Variants in CERK observed in about 807,000 individuals in gnomAD.
The protein encoded by CERK is ceramide kinase.
In CERK, 39 loss-of-function variants were observed where a neutral mutation model predicts 63.4. That is an observed-to-expected ratio of 0.61 (90% confidence interval 0.48 to 0.80). The LOEUF is 0.80. Ranked by LOEUF, CERK falls within the 30% of genes least tolerant of loss-of-function variation. CERK has a pLI of 0.00. For synonymous variants in CERK, 302 were observed against 280.0 expected (o/e 1.08, Z -0.78); for missense variants, 670 against 714.1 (o/e 0.94, Z 0.70).
chr22:46,728,988 T>C (rs1053932150), intron 1 of CERK, among the ~76,000 whole-genome samples: 1 of 152,226 alleles, frequency 6.6e-6, no homozygotes, highest in Admixed American at 6.5e-5. Flanking sequence ...CCTCGGAGGC[T>C]GGACAGCCAG....
chr22:46,709,649 T>C (rs2082830895), intron 5 of CERK, among the ~76,000 whole-genome samples: 2 of 152,160 alleles, frequency 1.3e-5, no homozygotes, highest in South Asian at 4.1e-4. Context: ...TCCGCTGCAA[T>C]TTATAACACA....
chr22:46,700,448 G>A (rs897728424), intron 7 of CERK, among the ~76,000 whole-genome samples: 5 of 152,266 alleles, frequency 3.3e-5, no homozygotes, highest in East Asian at 3.9e-4. Flanking sequence ...GAAGTAGGCC[G>A]GGCACAGTGG....
At chr22:46,713,526 A>C (rs2542016) in intron 3 of CERK, among the ~76,000 whole-genome samples, 1,681 of 147,962 alleles carry the variant, frequency 0.011, 37 homozygotes, top group African/African-American at 0.033. Flanking sequence ...AAAAAAAAAA[A>C]AAACAAACAA....
chr22:46,686,240 GT>G lies in CERK; in HGVS notation c.*893del, dbSNP rs1188396151. 12 of 152,218 alleles carry G rather than the reference GT, an allele frequency of 7.9e-5. No homozygotes were observed. Among genetic ancestry groups the G allele is most frequent in the African/African-American group, 2.7e-4 (11 of 41,438 alleles). 9.4% of individuals were successfully genotyped at this position (152,218 alleles called of 1,614,324 possible). A position where few individuals can be genotyped will look rare whatever the true frequency, so the allele number is the denominator to read the frequency against. ...AAAGACAAGGACAAATCTGGACCACGTGTACAGACTTCAGGCCCTGCCTCAG... is the reference window on the plus strand; with the variant it reads ...AAAGACAAGGACAAATCTGGACCACGGTACAGACTTCAGGCCCTGCCTCAG... On this transcript the variant is annotated 3_prime_UTR_variant, in exon 13 of 13. Coordinates refer to ENST00000216264, the MANE Select transcript of CERK (RefSeq NM_022766.6).
chr22:46,687,425 C>T (rs183877898), intron 12 of CERK, among the ~76,000 whole-genome samples: 31 of 152,298 alleles, frequency 2.0e-4, no homozygotes, highest in African/African-American at 7.5e-4. Context: ...CAATGACGGG[C>T]CCTGGGCGTG....
At chr22:46,688,096 G>A (rs2082712549) in intron 12 of CERK, among the ~76,000 whole-genome samples, 2 of 152,136 alleles carry the variant, frequency 1.3e-5, no homozygotes, top group South Asian at 4.1e-4. Flanking sequence ...GCTGAGGCAG[G>A]AGAATTGCTT....
rs537958420 is a variant in CERK at position 46,723,567 on chromosome 22, C to T, written c.143-2552G>A. On this transcript the variant is annotated intron_variant, in intron 1 of 12. Coordinates refer to ENST00000216264, the MANE Select transcript of CERK (RefSeq NM_022766.6). ...CCGGGAGGCGGAGGTTGCCGTGAGC[C>T]GAGATCACACCAGTGCACTCCAGCC... Among the ~76,000 whole-genome samples, 17 of 151,476 alleles carry T rather than the reference C, an allele frequency of 1.1e-4. No homozygotes were observed. In the South Asian group the frequency reaches 2.7e-3, roughly 24 times the overall value.
In CERK at chr22:46,684,486, CA is replaced by C. The variant is rs1435521325; in HGVS notation, c.*2647del. On this transcript the variant is annotated 3_prime_UTR_variant, in exon 13 of 13. Transcript: ENST00000216264. Reference sequence around the variant, plus strand: ...TGCCATTTTCTAATCTTGAAACCAGCAAGATTAGAAAGAGAATGAGGCCATC... The same window carrying C: ...TGCCATTTTCTAATCTTGAAACCAGCAGATTAGAAAGAGAATGAGGCCATC... The C allele has an allele frequency of 6.6e-6, 1 of 152,184 alleles. No homozygotes were observed. Among genetic ancestry groups the C allele is most frequent in the Non-Finnish European group, 1.5e-5 (1 of 68,046 alleles). 9.4% of individuals were successfully genotyped at this position (152,184 alleles called of 1,614,324 possible).
chr22:46,721,319 G>A (rs1367709232), intron 1 of CERK, among the ~76,000 whole-genome samples: 1 of 151,914 alleles, frequency 6.6e-6, no homozygotes, highest in Non-Finnish European at 1.5e-5. Context: ...TTGAGACAGA[G>A]TCTCACGCTG....
At position 46,690,187 on chromosome 22, in the gene CERK, A is replaced by G; in HGVS notation, c.1346T>C (p.Phe449Ser). ...TTTCTTGACGCGATAAACTTCAACA[A>G]AAGTGAAGTCAAACTACCAAGAAAC... Reference protein sequence around the residue: ...TNQQDQFDFTFVEVYRVKKFQ... With the variant: ...TNQQDQFDFTSVEVYRVKKFQ... The change falls in exon 12 of 13, where the codon TTT becomes TCT. Residue 449 changes from phenylalanine to serine, a missense_variant. Phe to Ser is a radical substitution (Grantham distance 155, BLOSUM62 -2). Coordinates refer to ENST00000216264, the MANE Select transcript of CERK (RefSeq NM_022766.6). The G allele has an allele frequency of 3.1e-6, 5 of 1,613,770 alleles. No homozygotes were observed. The highest frequency in any genetic ancestry group is 4.2e-6 in the Non-Finnish European group (5 of 1,179,926).
At chr22:46,715,859 A>G (rs781682286) in intron 3 of CERK, among the ~76,000 whole-genome samples, 28 of 152,222 alleles carry the variant, frequency 1.8e-4, no homozygotes, top group Non-Finnish European at 3.8e-4. Context: ...GATATCTTCA[A>G]TAGGACACAA....
intron 3 of CERK, among the ~76,000 whole-genome samples, chr22:46,718,691 G>A (rs1284655608): frequency 6.6e-6 from 1 of 152,210 alleles, no homozygotes; most frequent in Non-Finnish European, 1.5e-5. Flanking sequence ...CTTTCTTGAT[G>A]TAGGTGCCAA....
At chr22:46,693,700 CCTT>C in intron 9 of CERK, 197 bp from the exon 10 acceptor site, 1 of 528,304 alleles carries the variant, frequency 1.9e-6, no homozygotes, top group South Asian at 2.0e-5. Flanking sequence ...TTCAACATGT[CCTT>C]CTCTAAAAGG....
At chr22:46,727,590 C>G (rs950230770) in intron 1 of CERK, among the ~76,000 whole-genome samples, 2 of 152,106 alleles carry the variant, frequency 1.3e-5, no homozygotes, top group African/African-American at 4.8e-5. Flanking sequence ...CCACTGTGCC[C>G]AGTCTTCTTA....
intron 8 of CERK, among the ~76,000 whole-genome samples, chr22:46,695,908 G>A (rs1160109233): frequency 6.6e-6 from 1 of 152,202 alleles, no homozygotes; most frequent in East Asian, 1.9e-4. Context: ...GCAGGGACTG[G>A]GCAGGAGGCA....
chr22:46,691,641 G>C lies in CERK; in HGVS notation c.1263C>G (p.Ile421Met). 6.2e-7 allele frequency: 1 copy of C among 1,614,038 alleles called. No individual in the cohort carries two copies. The highest frequency in any genetic ancestry group is 8.5e-7 in the Non-Finnish European group (1 of 1,180,034). The change falls in exon 11 of 13, where the codon ATC becomes ATG. Residue 421 changes from isoleucine to methionine, a missense_variant. Physicochemically the swap from Ile to Met is conservative, Grantham distance 10. Coordinates refer to ENST00000216264, the MANE Select transcript of CERK (RefSeq NM_022766.6). The part of the protein sequence containing the change: ...AHLGDGSSDL[I>M]LIRKCSRFNF... ...TGAACCTGGAGCATTTCCGGATGAGGATGAGGTCAGAAGACCCGTCTCCCA... is the reference window on the plus strand; with the variant it reads ...TGAACCTGGAGCATTTCCGGATGAGCATGAGGTCAGAAGACCCGTCTCCCA...
chr22:46,693,260 A>G (rs1460533185), intron 10 of CERK, among the ~76,000 whole-genome samples, 167 bp downstream of exon 10: 2 of 152,198 alleles, frequency 1.3e-5, no homozygotes, highest in East Asian at 3.8e-4. Context: ...GGCAAGTAAC[A>G]GTGACCTGAC....
At chr22:46,713,508 C>CAAAAAAAAA (rs34168827) in intron 3 of CERK, among the ~76,000 whole-genome samples, 33 of 73,966 alleles carry the variant, frequency 4.5e-4, no homozygotes, top group Admixed American at 6.9e-4. Flanking sequence ...GACTTCATCT[C>CAAAAAAAAA]AAAAAAAAAA....
At chr22:46,692,094 G>A (rs566032896) in intron 10 of CERK, among the ~76,000 whole-genome samples, 19 of 152,336 alleles carry the variant, frequency 1.2e-4, no homozygotes, top group African/African-American at 4.3e-4. Flanking sequence ...GCCCGTCTGT[G>A]TGTGGCCTGA....
Sources: gnomAD v4.1 joint callset for allele counts (sites outside exome capture counted in the v4.1 genomes callset) on GRCh38, gnomAD v4.1.1 for gene constraint, MANE v1.5 for transcripts, NCBI Gene and HGNC (gene_info 2026-07-23, HGNC 2026-07-21) for gene names.